Variants in PTPRD observed in about 807,000 individuals in gnomAD.
PTPRD encodes receptor-type tyrosine-protein phosphatase delta.
A neutral mutation model predicts 214.5 loss-of-function variants in PTPRD; 34 were observed. That is an observed-to-expected ratio of 0.16 (90% CI 0.12 to 0.21). The LOEUF (loss-of-function observed/expected upper bound fraction) is 0.21, where lower values mean the gene tolerates loss of function less well. PTPRD is among the 10% of genes least tolerant of loss of function. The pLI, the probability that PTPRD is intolerant of heterozygous loss-of-function variation, is 1.00. For missense variants in PTPRD, 2,545 were observed against 2,398.7 expected (o/e 1.06, Z -1.27); for synonymous variants, 1,128 against 845.7 (o/e 1.33, Z -5.79).
intron 8 of PTPRD, among the ~76,000 whole-genome samples, chr9:9,544,051 G>A (rs1239588244): frequency 6.6e-6 from 1 of 151,522 alleles, no homozygotes; most frequent in Non-Finnish European, 1.5e-5. Context: ...TGTAGAAAAT[G>A]CATCTAAGCT....
At chr9:10,049,917 C>T (rs568178861) in intron 3 of PTPRD, among the ~76,000 whole-genome samples, 1 of 152,236 alleles carries the variant, frequency 6.6e-6, no homozygotes, top group South Asian at 2.1e-4. Flanking sequence ...TGACCTGTCT[C>T]AGAATCTAGT....
intron 11 of PTPRD, among the ~76,000 whole-genome samples, chr9:8,960,272 A>G (rs1024465966): frequency 1.3e-5 from 2 of 152,106 alleles, no homozygotes; most frequent in Non-Finnish European, 2.9e-5. Flanking sequence ...GAGAAATATT[A>G]GTTATTATCA....
intron 2 of PTPRD, among the ~76,000 whole-genome samples, chr9:10,441,672 G>A (rs2098759629): frequency 6.6e-6 from 1 of 151,442 alleles, no homozygotes; most frequent in African/African-American, 2.4e-5. Context: ...GTCAATGAAT[G>A]GTCAGTGACA....
chr9:9,295,322 C>G, intron 9 of PTPRD, among the ~76,000 whole-genome samples: 2 of 151,624 alleles, frequency 1.3e-5, no homozygotes, highest in Non-Finnish European at 2.9e-5. Flanking sequence ...CATAAGAAGC[C>G]AAATGAGTGA....
chr9:9,798,178 C>A (rs774715504), intron 5 of PTPRD, among the ~76,000 whole-genome samples: 9 of 152,030 alleles, frequency 5.9e-5, no homozygotes, highest in Non-Finnish European at 1.3e-4. Context: ...ATGTTATTTT[C>A]TTCGATAACA....
chr9:9,886,485 T>C (rs10123527), intron 5 of PTPRD, among the ~76,000 whole-genome samples: 1,938 of 152,192 alleles, frequency 0.013, 28 homozygotes, highest in African/African-American at 0.039. Flanking sequence ...TGTGTATTTT[T>C]CCCATGGGAG....
At chr9:9,416,136 C>T (rs1187058321) in intron 8 of PTPRD, among the ~76,000 whole-genome samples, 1 of 152,192 alleles carries the variant, frequency 6.6e-6, no homozygotes, top group Non-Finnish European at 1.5e-5. Flanking sequence ...TTCTGTCCTA[C>T]TTCCAGCTTC....
rs1056778285 is a variant in PTPRD, at chr9:8,787,646, GAGA to G, written c.-103-53703_-103-53701del. 1.8e-4 allele frequency among the ~76,000 whole-genome samples: 28 copies of G among 152,328 alleles called. 1 individual carries two copies. In the East Asian group the frequency reaches 3.5e-3, roughly 19 times the overall value. On this transcript the variant is annotated intron_variant, in intron 11 of 45. Coordinates refer to ENST00000381196, the MANE Select transcript of PTPRD (RefSeq NM_002839.4). ...AAGAAGGTAGAGAAACGGAGCAGGAGAGAAGATTAGAGGGGAGTCATGTGGAGA... is the reference window on the plus strand; with the variant it reads ...AAGAAGGTAGAGAAACGGAGCAGGAGAGATTAGAGGGGAGTCATGTGGAGA...
At chr9:10,090,435 G>C (rs890131510) in intron 3 of PTPRD, among the ~76,000 whole-genome samples, 3 of 151,204 alleles carry the variant, frequency 2.0e-5, no homozygotes, top group African/African-American at 7.3e-5. Flanking sequence ...AATTCTTAAA[G>C]GGCAAAATCT....
intron 8 of PTPRD, among the ~76,000 whole-genome samples, chr9:9,424,695 T>A (rs2080145288): frequency 6.6e-6 from 1 of 152,154 alleles, no homozygotes; most frequent in Non-Finnish European, 1.5e-5. Flanking sequence ...CATAAAGAAA[T>A]ATAATTGTCT....
chr9:9,833,537 G>C (rs2055673492), intron 5 of PTPRD, among the ~76,000 whole-genome samples: 1 of 151,324 alleles, frequency 6.6e-6, no homozygotes, highest in Non-Finnish European at 1.5e-5. Flanking sequence ...CATCTTATCA[G>C]GAGACAGGGT....
intron 2 of PTPRD, among the ~76,000 whole-genome samples, chr9:10,415,006 G>T (rs1185178620): frequency 4.0e-5 from 6 of 151,722 alleles, no homozygotes; most frequent in Admixed American, 3.9e-4. Context: ...GTATTAATAG[G>T]TGATGAAGTA....
At chr9:8,578,428 T>C (rs1337981563) in intron 14 of PTPRD, among the ~76,000 whole-genome samples, 2 of 152,142 alleles carry the variant, frequency 1.3e-5, no homozygotes, top group Non-Finnish European at 2.9e-5. Flanking sequence ...ATTTCGTATA[T>C]AACTGATATT....
At chr9:9,193,458 T>C (rs74987532) in intron 9 of PTPRD, among the ~76,000 whole-genome samples, 5,818 of 152,246 alleles carry the variant, frequency 0.038, 168 homozygotes, top group Non-Finnish European at 0.055. Context: ...AGAAATGTGT[T>C]GTCAAGCGAT....
intron 9 of PTPRD, among the ~76,000 whole-genome samples, chr9:9,248,973 C>T (rs532059986): frequency 2.4e-4 from 37 of 152,034 alleles, no homozygotes; most frequent in African/African-American, 8.2e-4. Context: ...TGCTTTTGAA[C>T]GGGAGTCATA....
rs1821751187 is a variant in PTPRD at position 8,316,355 on chromosome 9, C to A, written c.*1519G>T. 4.3e-6 allele frequency: 1 copy of A among 231,264 alleles called. No homozygotes were observed. The highest frequency in any genetic ancestry group is 5.7e-5 in the Admixed American group (1 of 17,684). 14.3% of individuals were successfully genotyped at this position (231,264 alleles called of 1,614,324 possible). On this transcript the variant is annotated 3_prime_UTR_variant, in exon 46 of 46. Coordinates refer to ENST00000381196, the MANE Select transcript of PTPRD (RefSeq NM_002839.4). ...CATCAATTATAAGGCACTCTAAATGCAAAACTAAAACCAAAACGAAACAAA... is the reference window on the plus strand; with the variant it reads ...CATCAATTATAAGGCACTCTAAATGAAAAACTAAAACCAAAACGAAACAAA...
At chr9:9,231,062 G>A (rs556304621) in intron 9 of PTPRD, among the ~76,000 whole-genome samples, 18 of 151,940 alleles carry the variant, frequency 1.2e-4, no homozygotes, top group African/African-American at 4.3e-4. Context: ...TCGGGGGGAG[G>A]GGGGAATGGG....
intron 3 of PTPRD, among the ~76,000 whole-genome samples, chr9:10,246,789 G>C (rs1047748980): frequency 2.6e-5 from 4 of 151,792 alleles, no homozygotes; most frequent in African/African-American, 9.7e-5. Flanking sequence ...AACTACTCGA[G>C]AGGCTGAGGC....
intron 8 of PTPRD, among the ~76,000 whole-genome samples, chr9:9,428,957 A>T (rs2082052759): frequency 6.6e-6 from 1 of 152,262 alleles, no homozygotes; most frequent in South Asian, 2.1e-4. Context: ...AGCAGGAAAG[A>T]TCTAAAATTG....
Sources: allele counts gnomAD v4.1 joint callset (sites outside exome capture counted in the v4.1 genomes callset), GRCh38; gene constraint gnomAD v4.1.1; transcripts MANE v1.5; gene names NCBI Gene and HGNC (gene_info 2026-07-23, HGNC 2026-07-21).